GALNTL6: variants seen among roughly 807,000 people sequenced by gnomAD.
GALNTL6 encodes the protein polypeptide N-acetylgalactosaminyltransferase like 6, also known as polypeptide N-acetylgalactosaminyltransferase-like 6.
GALNTL6 carries 46 observed loss-of-function variants against 73.7 expected under a neutral mutation model. That is an observed-to-expected ratio of 0.62 (90% CI 0.49 to 0.80). The LOEUF (loss-of-function observed/expected upper bound fraction) is 0.80, where lower values mean the gene tolerates loss of function less well. GALNTL6 is among the 30% of genes least tolerant of loss of function. The probability of loss-of-function intolerance (pLI) is 0.00; values close to 1 mark genes in which losing one functional copy is unlikely to be tolerated. For missense variants in GALNTL6, 604 were observed against 755.0 expected, an observed-to-expected ratio of 0.80 and a Z score of 2.34; for synonymous variants, 259 against 263.7, an observed-to-expected ratio of 0.98 and a Z score of 0.17.
At chr4:171,869,450 C>T (rs1012814173) in intron 2 of GALNTL6, among the ~76,000 whole-genome samples, 2 of 152,124 alleles carry the variant, frequency 1.3e-5, no homozygotes, top group Admixed American at 6.5e-5. Flanking sequence ...CACCCCTGCC[C>T]ATCTTCCAAT....
chr4:172,365,105 G>C (rs1742507805), intron 5 of GALNTL6, among the ~76,000 whole-genome samples: 1 of 152,114 alleles, frequency 6.6e-6, no homozygotes, highest in Non-Finnish European at 1.5e-5. Flanking sequence ...AATCTGAGAG[G>C]GGCTTCTGGC....
rs780509718 is a variant in GALNTL6, at chr4:172,508,653, G to A, written c.553+159964G>A. Reference sequence around the variant, plus strand: ...CCACCACTTATAAGTGAGAACATACGACATTTGGTTTTCCATTCCTGAGTT... The same window carrying A: ...CCACCACTTATAAGTGAGAACATACAACATTTGGTTTTCCATTCCTGAGTT... On this transcript the variant is annotated intron_variant, in intron 5 of 12. Transcript: ENST00000506823. Among the ~76,000 whole-genome samples, 2 of 53,468 alleles carry A rather than the reference G, an allele frequency of 3.7e-5. 1 individual carries two copies. Among genetic ancestry groups the A allele is most frequent in the Non-Finnish European group, 8.6e-5 (2 of 23,300 alleles). 35.1% of individuals were successfully genotyped at this position (53,468 alleles called of 152,430 possible).
chr4:172,530,743 C>A (rs1239356347), intron 5 of GALNTL6, among the ~76,000 whole-genome samples: 1 of 151,890 alleles, frequency 6.6e-6, no homozygotes, highest in Non-Finnish European at 1.5e-5. Flanking sequence ...AATGGAAATA[C>A]AAGAAATAAA....
intron 2 of GALNTL6, among the ~76,000 whole-genome samples, chr4:171,824,204 G>A (rs1734767433): frequency 6.6e-6 from 1 of 151,026 alleles, no homozygotes. Context: ...CAACTATTGA[G>A]ATTATATGAA....
chr4:172,437,168 T>C (rs1731665020), intron 5 of GALNTL6, among the ~76,000 whole-genome samples: 1 of 152,168 alleles, frequency 6.6e-6, no homozygotes, highest in Admixed American at 6.6e-5. Context: ...ATACTTATGC[T>C]TCTTATCTAT....
intron 5 of GALNTL6, among the ~76,000 whole-genome samples, chr4:172,397,829 G>C (rs1399649235): frequency 6.6e-6 from 1 of 151,956 alleles, no homozygotes; most frequent in Non-Finnish European, 1.5e-5. Context: ...CTCCCACCTT[G>C]GCCTCCAAAA....
chr4:172,464,034 C>A (rs1579095680), intron 5 of GALNTL6, among the ~76,000 whole-genome samples: 1 of 152,094 alleles, frequency 6.6e-6, no homozygotes, highest in African/African-American at 2.4e-5. Context: ...TTGAGTGATG[C>A]TCTTTGTTTG....
intron 5 of GALNTL6, among the ~76,000 whole-genome samples, chr4:172,768,584 A>C (rs947406032): frequency 6.6e-6 from 1 of 152,234 alleles, no homozygotes; most frequent in African/African-American, 2.4e-5. Context: ...GGGTGTCTTT[A>C]ACTAAAGGGT....
intron 2 of GALNTL6, among the ~76,000 whole-genome samples, chr4:171,935,617 A>G (rs1738317933): frequency 6.6e-6 from 1 of 152,134 alleles, no homozygotes; most frequent in Non-Finnish European, 1.5e-5. Flanking sequence ...CCACAGCGAC[A>G]TGCCACCACG....
chr4:172,876,980 G>C (rs1745227005), intron 7 of GALNTL6, among the ~76,000 whole-genome samples: 1 of 152,034 alleles, frequency 6.6e-6, no homozygotes, highest in South Asian at 2.1e-4. Context: ...TGAGTCCTGG[G>C]GGAAACTGTG....
intron 5 of GALNTL6, among the ~76,000 whole-genome samples, chr4:172,561,246 A>G (rs4692652): frequency 0.84 from 115,081 of 136,588 alleles, 48,541 homozygotes; most frequent in South Asian, 0.88. Context: ...GGCGACAGAG[A>G]GAGACTCCGT....
intron 3 of GALNTL6, among the ~76,000 whole-genome samples, chr4:172,279,876 C>A (rs1738979776): frequency 6.6e-6 from 1 of 152,136 alleles, no homozygotes; most frequent in African/African-American, 2.4e-5. Flanking sequence ...ACTATCCACA[C>A]AATAGAATAC....
intron 2 of GALNTL6, among the ~76,000 whole-genome samples, chr4:171,988,497 G>C (rs971013082): frequency 6.6e-6 from 1 of 152,138 alleles, no homozygotes; most frequent in Admixed American, 6.5e-5. Context: ...CAAAGGAATA[G>C]TAAAGAAAGC....
chr4:171,823,849 G>A (rs983096739), intron 2 of GALNTL6, among the ~76,000 whole-genome samples: 3 of 150,906 alleles, frequency 2.0e-5, no homozygotes, highest in African/African-American at 7.3e-5. Flanking sequence ...TATAGTAAGT[G>A]GGGATAGATG....
intron 2 of GALNTL6, among the ~76,000 whole-genome samples, chr4:172,092,355 A>T (rs1234198898): frequency 6.6e-6 from 1 of 152,146 alleles, no homozygotes; most frequent in Admixed American, 6.5e-5. Context: ...CATTCATATA[A>T]ATATAGCTCA....
chr4:172,566,753 A>G (rs1265043652), intron 5 of GALNTL6, among the ~76,000 whole-genome samples: 2 of 151,954 alleles, frequency 1.3e-5, no homozygotes, highest in African/African-American at 2.4e-5. Flanking sequence ...AAAATTTTTT[A>G]AGATAACAAA....
chr4:172,296,815 A>G (rs1739693887), intron 3 of GALNTL6, among the ~76,000 whole-genome samples: 2 of 152,322 alleles, frequency 1.3e-5, no homozygotes, highest in South Asian at 4.1e-4. Flanking sequence ...TAGTGCCGCA[A>G]TAAACAAACG....
At chr4:171,920,202 G>A (rs917328895) in intron 2 of GALNTL6, among the ~76,000 whole-genome samples, 4 of 152,008 alleles carry the variant, frequency 2.6e-5, no homozygotes, top group Admixed American at 2.0e-4. Flanking sequence ...ACACAGGAAG[G>A]GGAACATCAC....
At chr4:172,042,288 G>GT (rs1216111856) in intron 2 of GALNTL6, among the ~76,000 whole-genome samples, 9 of 152,052 alleles carry the variant, frequency 5.9e-5, no homozygotes, top group Non-Finnish European at 1.3e-4. Flanking sequence ...ACCTGCAATT[G>GT]TAAGTAAATA....
Sources: allele counts gnomAD v4.1 joint callset (sites outside exome capture counted in the v4.1 genomes callset), GRCh38; gene constraint gnomAD v4.1.1; transcripts MANE v1.5; gene names NCBI Gene and HGNC (gene_info 2026-07-23, HGNC 2026-07-21).